Variants in FKBP9 observed in about 807,000 individuals in gnomAD.
FKBP9 encodes the protein peptidyl-prolyl cis-trans isomerase FKBP9.
In FKBP9, 27 loss-of-function variants were observed where a neutral mutation model predicts 55.6. That is an observed-to-expected ratio of 0.49 (90% CI 0.36 to 0.67). The LOEUF is 0.67. Among genes scored for constraint, FKBP9 ranks in the 30% least tolerant of loss-of-function variants. The probability of loss-of-function intolerance (pLI) is 0.00; values close to 1 mark genes in which losing one functional copy is unlikely to be tolerated. For synonymous variants in FKBP9, 267 were observed against 296.5 expected (o/e 0.90, Z 1.02); for missense variants, 539 against 742.8 (o/e 0.73, Z 3.19).
chr7:32,962,671 G>C (rs1363787621), intron 1 of FKBP9, among the ~76,000 whole-genome samples: 1 of 151,752 alleles, frequency 6.6e-6, no homozygotes, highest in Admixed American at 6.6e-5. Flanking sequence ...ATGGGGTTTC[G>C]CCACCTTGGC....
At chr7:32,965,826 T>TAAATATATATGTGTACAC (rs1784128475) in intron 1 of FKBP9, among the ~76,000 whole-genome samples, 1 of 33,296 alleles carries the variant, frequency 3.0e-5, no homozygotes. Context: ...TATATATATA[T>TAAATATATATGTGTACAC]ATATATATAT....
rs372550709 is a variant in FKBP9, at chr7:32,976,355, C to A, written c.559C>A (p.His187Asn). ...FLDGTLFDSS[H>N]NRMKTYDTYV... ...TTTCCCTTTCTCATTACCTTTCAGTCACAATCGCATGAAAACATATGACAC... is the reference window on the plus strand; with the variant it reads ...TTTCCCTTTCTCATTACCTTTCAGTAACAATCGCATGAAAACATATGACAC... The change falls in exon 4 of 10, where the codon CAC becomes AAC. Residue 187 changes from histidine (H) to asparagine (N), a missense_variant and splice_region_variant. This residue lies in a region of FKBP9 where 236 missense variants were observed against 271.5 expected (regional missense o/e 0.87). Transcript: ENST00000242209. The A allele has an allele frequency of 2.5e-6, 4 of 1,613,774 alleles. No homozygotes were observed. Among genetic ancestry groups the A allele is most frequent in the Non-Finnish European group, 3.4e-6 (4 of 1,179,866 alleles).
At chr7:32,981,346 C>T (rs554395776) in intron 5 of FKBP9, among the ~76,000 whole-genome samples, 3 of 152,312 alleles carry the variant, frequency 2.0e-5, no homozygotes, top group South Asian at 4.1e-4. Context: ...CATTCAGCTC[C>T]CTTCTGGATG....
chr7:32,988,553 G>C lies in FKBP9; in HGVS notation c.940G>C (p.Val314Leu), dbSNP rs150348129. The C allele has an allele frequency of 6.2e-7, 1 of 1,613,838 alleles. No individual in the cohort carries two copies. The highest frequency in any genetic ancestry group is 8.5e-7 in the Non-Finnish European group (1 of 1,179,806). The part of the protein sequence containing the change: ...TFDTYIGQGY[V>L]IPGMDEGLLG... ...TGACACGTACATTGGGCAGGGCTAC[G>C]TGATTCCTGGGATGGATGAAGGTCT... Residue 314 changes from valine to leucine, a missense_variant, in exon 6 of 10, where the codon GTG becomes CTG. Transcript: ENST00000242209.
At chr7:32,966,186 A>G in intron 1 of FKBP9, among the ~76,000 whole-genome samples, 1 of 31,782 alleles carries the variant, frequency 3.1e-5, no homozygotes, top group Non-Finnish European at 9.5e-5. Context: ...GTGAGACGCC[A>G]TCTCAAAAAA....
chr7:32,975,814 T>G (rs1299143686), intron 3 of FKBP9, among the ~76,000 whole-genome samples: 1 of 151,996 alleles, frequency 6.6e-6, no homozygotes, highest in Non-Finnish European at 1.5e-5. Context: ...ACCAAGCTAA[T>G]TTTTTGTATT....
intron 1 of FKBP9, among the ~76,000 whole-genome samples, chr7:32,974,080 T>C (rs1784309080): frequency 6.6e-6 from 1 of 151,812 alleles, no homozygotes; most frequent in Non-Finnish European, 1.5e-5. Context: ...CATAGCTCAC[T>C]GCAGCCTCAA....
rs918895639 is a variant in FKBP9 at position 32,979,723 on chromosome 7, A to T, written c.704-641A>T. ...TCTTCATGTGGATTTCATTTTGCAG[A>T]TATTCAAAATATTCCCACTGGCAGG... is the stretch of plus-strand genomic sequence containing the variant. On this transcript the variant is annotated intron_variant, in intron 4 of 9. Transcript: ENST00000242209. The T allele has an allele frequency of 4.2e-6, 3 of 710,352 alleles. No homozygotes were observed. In the African/African-American group the frequency reaches 5.3e-5, roughly 12 times the overall value. The allele number at this position is 710,352 out of a possible 1,614,324, so 44.0% of individuals were successfully genotyped here.
In FKBP9 at chr7:32,994,774, C is replaced by T. The variant is rs900428898; in HGVS notation, c.1040-1389C>T. On this transcript the variant is annotated intron_variant, in intron 6 of 9. Coordinates refer to ENST00000242209, the MANE Select transcript of FKBP9 (RefSeq NM_007270.5). ...AGAAGAATGCCTGGTACTCAATAAA[C>T]GCCTATTAAATATGAGCGTGAGTGT... Among the ~76,000 whole-genome samples, 14 of 151,882 alleles carry T rather than the reference C, an allele frequency of 9.2e-5. No individual in the cohort carries two copies. The East Asian group carries it at 1.5e-3, about 17-fold the overall frequency.
chr7:32,979,613 A>C, intron 4 of FKBP9: 1 of 1,433,964 alleles, frequency 7.0e-7, no homozygotes, highest in South Asian at 1.2e-5. Flanking sequence ...TTGTTGGTTA[A>C]CTTTCTACTA....
rs145613042 is a variant in FKBP9, at chr7:33,006,927, T to C, written c.*1576T>C. ...TTTTCTGATATAAAATGTTGAATGA[T>C]ATTATCTGGTTTTCTGATATTTTAT... On this transcript the variant is annotated 3_prime_UTR_variant, in exon 10 of 10. Coordinates refer to ENST00000242209, the MANE Select transcript of FKBP9 (RefSeq NM_007270.5). The C allele has an allele frequency of 5.2e-3, 950 of 181,580 alleles. 10 individuals carry two copies. Among genetic ancestry groups the C allele is most frequent in the African/African-American group, 0.021 (895 of 42,542 alleles). 11.2% of individuals were successfully genotyped at this position (181,580 alleles called of 1,614,324 possible). A position where few individuals can be genotyped will look rare whatever the true frequency, so the allele number is the denominator to read the frequency against.
intron 8 of FKBP9, among the ~76,000 whole-genome samples, chr7:33,001,267 G>A (rs1248466086): frequency 6.6e-6 from 1 of 152,256 alleles, no homozygotes; most frequent in Non-Finnish European, 1.5e-5. Context: ...TATTCTGGCC[G>A]GGTGCGGTGG....
chr7:32,974,020 A>T (rs1276150603), intron 1 of FKBP9, among the ~76,000 whole-genome samples: 3 of 151,000 alleles, frequency 2.0e-5, no homozygotes, highest in African/African-American at 7.3e-5. Context: ...ATTTTATTTT[A>T]TTTTATTTTT....
At chr7:32,985,168 TTCTTTC>T (rs202178244) in intron 5 of FKBP9, among the ~76,000 whole-genome samples, 35 of 150,296 alleles carry the variant, frequency 2.3e-4, no homozygotes, top group South Asian at 4.2e-4. Flanking sequence ...TTCTTTTTCT[TTCTTTC>T]TTTCTTTTTT....
At position 32,996,150 on chromosome 7, in the gene FKBP9, G is replaced by T; in HGVS notation, c.1040-13G>T. On this transcript the variant is annotated splice_polypyrimidine_tract_variant and intron_variant, in intron 6 of 9. Coordinates refer to ENST00000242209, the MANE Select transcript of FKBP9 (RefSeq NM_007270.5). ...CAGGGGTCATTCATTAATTCCCCGT[G>T]TCTGTCCTTTAGGGAATATCCCCGG... The T allele has an allele frequency of 6.2e-7, 1 of 1,613,298 alleles. No homozygotes were observed. The highest frequency in any genetic ancestry group is 2.2e-5 in the East Asian group (1 of 44,882).
chr7:32,992,971 G>A (rs1657155165), intron 6 of FKBP9: 1 of 231,098 alleles, frequency 4.3e-6, no homozygotes, highest in Non-Finnish European at 8.6e-6. Flanking sequence ...TTCCTTGACT[G>A]GGTGTGAATC....
intron 5 of FKBP9, among the ~76,000 whole-genome samples, chr7:32,987,218 TG>T (rs1436453033): frequency 2.6e-5 from 4 of 152,272 alleles, no homozygotes; most frequent in Middle Eastern, 6.8e-3. Context: ...CATGTCAGGC[TG>T]GGTGCTGTGG....
chr7:32,970,857 ATT>A (rs1784238142), intron 1 of FKBP9, among the ~76,000 whole-genome samples: 4 of 151,386 alleles, frequency 2.6e-5, no homozygotes. Flanking sequence ...TTCCTTTCCA[ATT>A]TCTGTGCCAT....
chr7:32,963,684 T>C, intron 1 of FKBP9: 1 of 1,418,908 alleles, frequency 7.0e-7, no homozygotes, highest in Non-Finnish European at 9.2e-7. Flanking sequence ...CTTGTGAGGG[T>C]CCAGAATCAT....
Sources: gnomAD v4.1 joint callset for allele counts (sites outside exome capture counted in the v4.1 genomes callset) on GRCh38, gnomAD v4.1.1 for gene constraint, gnomAD v4.1.1 regional missense constraint, MANE v1.5 for transcripts, NCBI Gene and HGNC (gene_info 2026-07-23, HGNC 2026-07-21) for gene names.